Variants in ME3 observed in about 807,000 individuals in gnomAD.
ME3 encodes the protein malic enzyme 3.
ME3 carries 48 observed loss-of-function variants against 68.9 expected under a neutral mutation model. That is an observed-to-expected ratio of 0.70 (90% CI 0.55 to 0.89). The LOEUF is 0.89. Among genes scored for constraint, ME3 ranks in the 40% least tolerant of loss-of-function variants. The pLI is 0.00. For synonymous variants in ME3, 320 were observed against 318.8 expected (o/e 1.00, Z -0.04); for missense variants, 675 against 797.4 (o/e 0.85, Z 1.85).
intron 4 of ME3, among the ~76,000 whole-genome samples, chr11:86,529,758 A>T (rs1955060950): frequency 1.3e-5 from 2 of 152,234 alleles, no homozygotes; most frequent in South Asian, 2.1e-4. Context: ...GACAAAAACC[A>T]CATGATTATC....
At chr11:86,446,187 G>A (rs1481233024) in intron 13 of ME3, 127 bp downstream of exon 13, 3 of 1,104,206 alleles carry the variant, frequency 2.7e-6, no homozygotes, top group African/African-American at 1.6e-5. Flanking sequence ...TGAGGTTTAA[G>A]CACTTTGGGA....
intron 2 of ME3, among the ~76,000 whole-genome samples, chr11:86,647,300 C>CA (rs1945081911): frequency 6.6e-6 from 1 of 151,904 alleles, no homozygotes; most frequent in South Asian, 2.1e-4. Context: ...CTGGCTAACA[C>CA]AGTGAAACCC....
At chr11:86,444,102 C>A (rs1157625490) in intron 13 of ME3, among the ~76,000 whole-genome samples, 1 of 152,088 alleles carries the variant, frequency 6.6e-6, no homozygotes, top group Non-Finnish European at 1.5e-5. Context: ...TGGGTGAGTG[C>A]AATGAGAGGG....
At chr11:86,475,680 C>T (rs553348729) in intron 7 of ME3, among the ~76,000 whole-genome samples, 6 of 152,026 alleles carry the variant, frequency 3.9e-5, no homozygotes, top group African/African-American at 1.2e-4. Context: ...ATAATTTTCT[C>T]TTTGGGTCTC....
At chr11:86,657,130 A>G (rs1431575701) in intron 2 of ME3, among the ~76,000 whole-genome samples, 1 of 152,218 alleles carries the variant, frequency 6.6e-6, no homozygotes, top group East Asian at 1.9e-4. Flanking sequence ...ATATACTCAA[A>G]GGATTATAAA....
At chr11:86,630,570 A>G (rs1322787531) in intron 2 of ME3, among the ~76,000 whole-genome samples, 1 of 152,244 alleles carries the variant, frequency 6.6e-6, no homozygotes, top group African/African-American at 2.4e-5. Flanking sequence ...ATTTTAGGTA[A>G]AAACCAAACC....
At chr11:86,591,146 T>G (rs1959032260) in intron 2 of ME3, among the ~76,000 whole-genome samples, 1 of 151,950 alleles carries the variant, frequency 6.6e-6, no homozygotes, top group Non-Finnish European at 1.5e-5. Flanking sequence ...CAATAAGATA[T>G]TTTTCCTTTT....
intron 2 of ME3, among the ~76,000 whole-genome samples, chr11:86,656,294 G>A (rs1000554039): frequency 6.6e-6 from 1 of 151,936 alleles, no homozygotes; most frequent in African/African-American, 2.4e-5. Flanking sequence ...AAAGACACAT[G>A]CACACATATG....
At chr11:86,546,642 T>G (rs1391367688) in intron 4 of ME3, among the ~76,000 whole-genome samples, 1 of 152,038 alleles carries the variant, frequency 6.6e-6, no homozygotes, top group Non-Finnish European at 1.5e-5. Flanking sequence ...GTTAGAATGG[T>G]GATCATTAAA....
Position 86,556,580 on chromosome 11 carries a change from T to A in ME3, c.440A>T (p.His147Leu), listed in dbSNP as rs1452743495. The A allele has an allele frequency of 3.1e-6, 5 of 1,613,990 alleles. No homozygotes were observed. In the African/African-American group the frequency reaches 6.7e-5, roughly 22 times the overall value. ...GGGCCTGCGGAAAGTCAGGCCATAG[T>A]GCTGACAGGCCAGCCCCACGGTAGG... is the stretch of plus-strand genomic sequence containing the variant. Residue 147 changes from histidine (H) to leucine (L), a missense_variant, in exon 4 of 15, where the codon CAC (histidine) becomes CTC (leucine). Transcript: ENST00000543262.
chr11:86,644,186 C>T (rs1944853382), intron 2 of ME3, among the ~76,000 whole-genome samples: 1 of 152,136 alleles, frequency 6.6e-6, no homozygotes, highest in Non-Finnish European at 1.5e-5. Context: ...CCTTCTAACT[C>T]TATTTCTAAT....
chr11:86,538,265 A>G (rs932424769), intron 4 of ME3, among the ~76,000 whole-genome samples: 16 of 152,232 alleles, frequency 1.1e-4, no homozygotes, highest in Non-Finnish European at 4.4e-5. Context: ...GGAATAGAAT[A>G]GATTCAGGTT....
intron 7 of ME3, among the ~76,000 whole-genome samples, chr11:86,479,172 A>T (rs1302290565): frequency 2.0e-5 from 3 of 152,180 alleles, no homozygotes; most frequent in African/African-American, 7.2e-5. Context: ...TCTCTTCTGA[A>T]TTTGGAACAC....
rs931669368 is a variant in ME3, at chr11:86,609,380, A to G, written c.184-49557T>C. On this transcript the variant is annotated intron_variant, in intron 2 of 14. Coordinates refer to ENST00000543262, the Ensembl canonical transcript of ME3. ...GATTCTGACTACATGTGTCCTGAGT[A>G]TGTCTTCCAGAGCAGAAAAAGCTCT... 7.2e-5 allele frequency among the ~76,000 whole-genome samples: 11 copies of G among 152,276 alleles called. No homozygotes were observed. The East Asian group carries it at 1.9e-3, about 27-fold the overall frequency.
intron 5 of ME3, among the ~76,000 whole-genome samples, chr11:86,501,631 C>T (rs1952732231): frequency 6.6e-6 from 1 of 152,150 alleles, no homozygotes; most frequent in South Asian, 2.1e-4. Context: ...AAGTCCCTAA[C>T]CAAATGAATC....
At chr11:86,655,906 AAAAC>A (rs1411123727) in intron 2 of ME3, among the ~76,000 whole-genome samples, 3 of 152,042 alleles carry the variant, frequency 2.0e-5, no homozygotes, top group South Asian at 2.1e-4. Flanking sequence ...TTACAAGAAA[AAAAC>A]AAACAACCCC....
At chr11:86,661,008 A>G (rs1391946525) in intron 2 of ME3, among the ~76,000 whole-genome samples, 3 of 152,296 alleles carry the variant, frequency 2.0e-5, no homozygotes, top group African/African-American at 4.8e-5. Flanking sequence ...TCTTCACCAT[A>G]TAGTTTCTGA....
chr11:86,595,306 T>TATATATATATATATAGAGAGAGAG (rs371436753), intron 2 of ME3, among the ~76,000 whole-genome samples: 2 of 79,824 alleles, frequency 2.5e-5, no homozygotes, highest in African/African-American at 7.9e-5. Flanking sequence ...TATATATATA[T>TATATATATATATATAGAGAGAGAG]AGAGAGAGAG....
chr11:86,671,291 CTTAT>C (rs1320901773), intron 2 of ME3, among the ~76,000 whole-genome samples: 2 of 152,160 alleles, frequency 1.3e-5, no homozygotes, highest in Non-Finnish European at 2.9e-5. Context: ...TAATCATAAC[CTTAT>C]TTATTCTCCC....
Sources: allele counts gnomAD v4.1 joint callset (sites outside exome capture counted in the v4.1 genomes callset), GRCh38; gene constraint gnomAD v4.1.1; transcripts MANE v1.5; gene names NCBI Gene and HGNC (gene_info 2026-07-23, HGNC 2026-07-21).